The following CD2AP variants were observed in gnomAD, a reference collection of about 807,000 sequenced individuals.
CD2AP encodes the protein CD2 associated protein.
CD2AP carries 46 observed loss-of-function variants against 85.1 expected under a neutral mutation model. The observed-to-expected ratio is 0.54, with a 90% CI of 0.43 to 0.69. The LOEUF (loss-of-function observed/expected upper bound fraction) is 0.69, where lower values mean the gene tolerates loss of function less well. Among genes scored for constraint, CD2AP ranks in the 30% least tolerant of loss-of-function variants. The probability of loss-of-function intolerance (pLI) is 0.00; values close to 1 mark genes in which losing one functional copy is unlikely to be tolerated. For missense variants in CD2AP, 769 were observed against 729.5 expected, an observed-to-expected ratio of 1.05 and a Z score of -0.62; for synonymous variants, 255 against 252.9, an observed-to-expected ratio of 1.01 and a Z score of -0.08.
At chr6:47,588,900 AGAC>A (rs758883348) in intron 11 of CD2AP, among the ~76,000 whole-genome samples, 7 of 152,134 alleles carry the variant, frequency 4.6e-5, no homozygotes, top group Admixed American at 6.5e-5. Flanking sequence ...ATTTACCTCT[AGAC>A]CAATGAAACT....
intron 5 of CD2AP, among the ~76,000 whole-genome samples, chr6:47,559,452 G>A (rs1767792245): frequency 6.6e-6 from 1 of 151,602 alleles, no homozygotes; most frequent in African/African-American, 2.4e-5. Context: ...TTAAGAGATG[G>A]GGCCTCACTA....
intron 11 of CD2AP, among the ~76,000 whole-genome samples, chr6:47,591,440 A>G (rs1395068233): frequency 2.6e-5 from 4 of 152,178 alleles, no homozygotes; most frequent in Non-Finnish European, 5.9e-5. Context: ...ATTTTGTCCT[A>G]AAATTTTCTA....
intron 1 of CD2AP, among the ~76,000 whole-genome samples, chr6:47,495,585 AATAG>A (rs1332285249): frequency 6.6e-6 from 1 of 152,156 alleles, no homozygotes; most frequent in African/African-American, 2.4e-5. Flanking sequence ...CTAGGTAATA[AATAG>A]ATCTCGTCCG....
chr6:47,491,271 ATGTGTGTGTGTGTG>A lies in CD2AP; in HGVS notation c.5-11989_5-11976del, dbSNP rs57447174. Among the ~76,000 whole-genome samples the A allele has an allele frequency of 6.5e-5, 8 of 122,478 alleles. 1 individual carries two copies. Among genetic ancestry groups the A allele is most frequent in the Admixed American group, 3.1e-4 (4 of 13,048 alleles). 80.4% of individuals were successfully genotyped at this position (122,478 alleles called of 152,430 possible). A position where few individuals can be genotyped will look rare whatever the true frequency, so the allele number is the denominator to read the frequency against. ...CTTTCTTCCTGATATGTGTGTGTGT[ATGTGTGTGTGTGTG>A]TGTGTGTGTGTGTGTGTGTAATATA... On this transcript the variant is annotated intron_variant, in intron 1 of 17. Coordinates refer to ENST00000359314, the MANE Select transcript of CD2AP (RefSeq NM_012120.3).
At chr6:47,531,818 A>G (rs2114022904) in intron 2 of CD2AP, among the ~76,000 whole-genome samples, 1 of 152,198 alleles carries the variant, frequency 6.6e-6, no homozygotes, top group South Asian at 2.1e-4. Context: ...CACGCTTGTA[A>G]TCCCAGCACT....
intron 11 of CD2AP, among the ~76,000 whole-genome samples, chr6:47,583,344 A>G (rs996603367): frequency 6.6e-6 from 1 of 152,200 alleles, no homozygotes; most frequent in Non-Finnish European, 1.5e-5. Flanking sequence ...TGACAAATGT[A>G]TAATGTCCTG....
chr6:47,593,571 T>C (rs888879591), intron 11 of CD2AP, among the ~76,000 whole-genome samples: 2 of 152,052 alleles, frequency 1.3e-5, no homozygotes, highest in African/African-American at 2.4e-5. Context: ...CATTAGTCTT[T>C]AGGGAAATGC....
chr6:47,609,705 A>C (rs1562055884), intron 16 of CD2AP, among the ~76,000 whole-genome samples: 1 of 151,938 alleles, frequency 6.6e-6, no homozygotes, highest in Non-Finnish European at 1.5e-5. Flanking sequence ...GTCTCAAAAA[A>C]AAGTCTCTGG....
intron 5 of CD2AP, chr6:47,563,043 A>G: frequency 3.3e-6 from 1 of 299,332 alleles, no homozygotes; most frequent in Non-Finnish European, 6.3e-6. Flanking sequence ...TTTGTATCAC[A>G]TTTAAAAATT....
chr6:47,609,403 G>A, intron 16 of CD2AP, 99 bp downstream of exon 16: 1 of 989,028 alleles, frequency 1.0e-6, no homozygotes, highest in Admixed American at 1.8e-5. Context: ...GTGGCTGGGT[G>A]TGGTAGTTCG....
intron 11 of CD2AP, among the ~76,000 whole-genome samples, chr6:47,588,725 A>G (rs1161625369): frequency 6.6e-6 from 1 of 152,086 alleles, no homozygotes; most frequent in Non-Finnish European, 1.5e-5. Flanking sequence ...TGCCATCCTC[A>G]GTGTACACTT....
intron 4 of CD2AP, among the ~76,000 whole-genome samples, chr6:47,546,099 C>A (rs780656933): frequency 4.0e-5 from 6 of 151,484 alleles, no homozygotes; most frequent in Non-Finnish European, 8.8e-5. Flanking sequence ...TTAAGGAAAT[C>A]AAAAAAATGA....
At chr6:47,537,951 A>G (rs556456096) in intron 3 of CD2AP, among the ~76,000 whole-genome samples, 9 of 152,084 alleles carry the variant, frequency 5.9e-5, no homozygotes, top group Non-Finnish European at 7.4e-5. Flanking sequence ...GGGTTTCACC[A>G]TGTTGGCAAG....
At position 47,515,243 on chromosome 6, in the gene CD2AP, G is replaced by A. The variant is rs535806930; in HGVS notation, c.165+11803G>A. 3.8e-4 allele frequency among the ~76,000 whole-genome samples: 58 copies of A among 152,214 alleles called. No individual in the cohort carries two copies. The South Asian group carries it at 0.011, about 30-fold the overall frequency. ...TTTAAGACTAAAAGCATGGGTTAAA[G>A]TAGGGGGTACAGTATATTTTGAAGA... On this transcript the variant is annotated intron_variant, in intron 2 of 17. Coordinates refer to ENST00000359314, the MANE Select transcript of CD2AP (RefSeq NM_012120.3).
chr6:47,591,348 A>G (rs1480551145), intron 11 of CD2AP, among the ~76,000 whole-genome samples: 2 of 152,182 alleles, frequency 1.3e-5, no homozygotes, highest in Non-Finnish European at 2.9e-5. Context: ...ATGTGGTAAT[A>G]GTTTCTCAAA....
intron 5 of CD2AP, among the ~76,000 whole-genome samples, 178 bp downstream of exon 5, chr6:47,554,944 A>G (rs1174224227): frequency 2.0e-5 from 3 of 152,182 alleles, no homozygotes; most frequent in African/African-American, 2.4e-5. Flanking sequence ...ATCTAGTCCA[A>G]TAATTTAATA....
At chr6:47,535,353 A>G (rs1363052817) in intron 3 of CD2AP, among the ~76,000 whole-genome samples, 2 of 152,244 alleles carry the variant, frequency 1.3e-5, no homozygotes, top group African/African-American at 4.8e-5. Context: ...ATATTCTACA[A>G]TAAAGAAATT....
chr6:47,541,609 A>G (rs551429164), intron 3 of CD2AP, among the ~76,000 whole-genome samples: 1 of 152,302 alleles, frequency 6.6e-6, no homozygotes, highest in East Asian at 1.9e-4. Context: ...GGTTGCATGT[A>G]GTGTGCTTCT....
At chr6:47,602,947 G>A (rs1769180851) in intron 13 of CD2AP, among the ~76,000 whole-genome samples, 1 of 151,726 alleles carries the variant, frequency 6.6e-6, no homozygotes, top group Admixed American at 6.6e-5. Context: ...ATTATTCGAT[G>A]GAAGCATTCA....
Sources: gnomAD v4.1 joint callset for allele counts (sites outside exome capture counted in the v4.1 genomes callset) on GRCh38, gnomAD v4.1.1 for gene constraint, MANE v1.5 for transcripts, NCBI Gene and HGNC (gene_info 2026-07-23, HGNC 2026-07-21) for gene names.